The following ITGB3BP variants were observed in gnomAD, a reference collection of about 807,000 sequenced individuals.
ITGB3BP encodes the protein centromere protein R.
Under a neutral mutation model 29.1 loss-of-function variants are expected in ITGB3BP, and 27 were observed. The ratio of observed to expected loss-of-function variants is 0.93; its 90% confidence interval spans 0.68 to 1.28. The LOEUF (loss-of-function observed/expected upper bound fraction) is 1.28. Among genes scored for constraint, ITGB3BP ranks in the 50% most tolerant of loss-of-function variants. ITGB3BP has a pLI of 0.00. For synonymous variants in ITGB3BP, 61 were observed against 61.4 expected (o/e 0.99, Z 0.03); for missense variants, 192 against 200.2 (o/e 0.96, Z 0.25).
intron 2 of ITGB3BP, among the ~76,000 whole-genome samples, chr1:63,501,131 T>C (rs896125074): frequency 6.6e-6 from 1 of 152,170 alleles, no homozygotes; most frequent in African/African-American, 2.4e-5. Context: ...TTTCAGTAAC[T>C]GGTTATACAC....
intron 4 of ITGB3BP, among the ~76,000 whole-genome samples, chr1:63,468,862 AAAATAAATAAATAAAT>A (rs71045901): frequency 1.1e-4 from 16 of 139,302 alleles, no homozygotes; most frequent in Admixed American, 2.9e-4. Context: ...ACTCTGTCTC[AAAATAAATAAATAAAT>A]AAATAAATAA....
chr1:63,460,546 T>C (rs946535085), intron 4 of ITGB3BP, among the ~76,000 whole-genome samples: 1 of 152,240 alleles, frequency 6.6e-6, no homozygotes, highest in African/African-American at 2.4e-5. Context: ...ATTCATTTGC[T>C]GATGAACATT....
At chr1:63,486,207 A>G (rs1645526575) in intron 3 of ITGB3BP, among the ~76,000 whole-genome samples, 1 of 152,062 alleles carries the variant, frequency 6.6e-6, no homozygotes, top group African/African-American at 2.4e-5. Flanking sequence ...TCGACTATGC[A>G]AATTTGTTGT....
intron 4 of ITGB3BP, among the ~76,000 whole-genome samples, chr1:63,463,012 G>T (rs1404053639): frequency 6.6e-6 from 1 of 152,096 alleles, no homozygotes; most frequent in Non-Finnish European, 1.5e-5. Context: ...CCAGCACTTT[G>T]GAAGGCTGAG....
At chr1:63,452,716 A>ATGTT (rs1644879361) in intron 7 of ITGB3BP, among the ~76,000 whole-genome samples, 1 of 151,672 alleles carries the variant, frequency 6.6e-6, no homozygotes, top group Non-Finnish European at 1.5e-5. Flanking sequence ...ATCACAGTAG[A>ATGTT]CGTTAGTTGT....
intron 3 of ITGB3BP, among the ~76,000 whole-genome samples, chr1:63,485,400 G>C (rs931668984): frequency 6.6e-6 from 1 of 150,380 alleles, no homozygotes; most frequent in Non-Finnish European, 1.5e-5. Flanking sequence ...TTCCATGATA[G>C]TTTTTCACCC....
intron 4 of ITGB3BP, among the ~76,000 whole-genome samples, chr1:63,461,419 C>T (rs1016708278): frequency 2.0e-5 from 3 of 152,020 alleles, no homozygotes; most frequent in Non-Finnish European, 4.4e-5. Flanking sequence ...TGTGCTTTGC[C>T]TTTTCACTTT....
chr1:63,478,173 A>G (rs189782239), intron 4 of ITGB3BP, among the ~76,000 whole-genome samples: 1 of 152,154 alleles, frequency 6.6e-6, no homozygotes, highest in Non-Finnish European at 1.5e-5. Context: ...GCAACCATTC[A>G]TTTTTTTCTC....
intron 2 of ITGB3BP, among the ~76,000 whole-genome samples, chr1:63,501,518 A>G (rs1462798149): frequency 6.6e-6 from 1 of 152,030 alleles, no homozygotes; most frequent in Non-Finnish European, 1.5e-5. Flanking sequence ...GGTGAGAGAA[A>G]TGTTCTAGGA....
In ITGB3BP at chr1:63,497,676, T is replaced by C. The variant is rs557012275; in HGVS notation, c.49-7458A>G. ...CAAGAGAAGGACAAATGCAGCTCGA[T>C]GTTTACTGATAGAAACTAAAGCTTT... On this transcript the variant is annotated intron_variant, in intron 2 of 8. Transcript: ENST00000271002. Among the ~76,000 whole-genome samples the C allele has an allele frequency of 5.3e-5, 8 of 152,334 alleles. No homozygotes were observed. In the South Asian group the frequency reaches 1.7e-3, roughly 32 times the overall value.
chr1:63,476,181 T>C (rs951155576), intron 4 of ITGB3BP, among the ~76,000 whole-genome samples: 9 of 151,690 alleles, frequency 5.9e-5, no homozygotes, highest in African/African-American at 2.2e-4. Flanking sequence ...TTTTTTTTTT[T>C]GAGACAGAGT....
chr1:63,476,575 C>T (rs1043503453), intron 4 of ITGB3BP, among the ~76,000 whole-genome samples: 2 of 152,166 alleles, frequency 1.3e-5, no homozygotes, highest in Non-Finnish European at 2.9e-5. Context: ...AGCCCACTGC[C>T]ATGGGAGCTA....
intron 7 of ITGB3BP, chr1:63,447,691 G>A (rs888647382): frequency 1.1e-5 from 5 of 456,554 alleles, no homozygotes; most frequent in Non-Finnish European, 2.2e-5. Context: ...AGGTGCTGGA[G>A]AGGATGTGGA....
chr1:63,488,627 G>A (rs930194724), intron 3 of ITGB3BP, among the ~76,000 whole-genome samples: 5 of 151,878 alleles, frequency 3.3e-5, no homozygotes, highest in Non-Finnish European at 7.4e-5. Flanking sequence ...ATTAGGATAA[G>A]CAATGTAATG....
At chr1:63,474,880 A>C (rs1434027921) in intron 4 of ITGB3BP, among the ~76,000 whole-genome samples, 1 of 69,556 alleles carries the variant, frequency 1.4e-5, no homozygotes, top group Non-Finnish European at 3.0e-5. Flanking sequence ...AACACCCAAG[A>C]ATGATCAATA....
intron 2 of ITGB3BP, among the ~76,000 whole-genome samples, chr1:63,491,349 T>C (rs1356876526): frequency 6.6e-6 from 1 of 152,198 alleles, no homozygotes; most frequent in Non-Finnish European, 1.5e-5. Context: ...CAAAGAGGTT[T>C]TAAATTAGTA....
At chr1:63,514,585 A>G (rs1192367292) in intron 1 of ITGB3BP, among the ~76,000 whole-genome samples, 4 of 152,198 alleles carry the variant, frequency 2.6e-5, no homozygotes, top group Admixed American at 2.6e-4. Flanking sequence ...GTTCTTTCTT[A>G]TCCTAAATAT....
chr1:63,528,576 G>T (rs1026207265), intron 2 of ITGB3BP, among the ~76,000 whole-genome samples: 3 of 152,012 alleles, frequency 2.0e-5, no homozygotes, highest in African/African-American at 7.2e-5. Flanking sequence ...AGTATAATTG[G>T]ATTGTTTGAA....
At chr1:63,500,364 C>T (rs562715162) in intron 2 of ITGB3BP, among the ~76,000 whole-genome samples, 90 of 151,752 alleles carry the variant, frequency 5.9e-4, no homozygotes, top group African/African-American at 2.1e-3. Context: ...GGCAAAAGAG[C>T]AAGACTCTGT....
Sources: gnomAD v4.1 joint callset for allele counts (sites outside exome capture counted in the v4.1 genomes callset) on GRCh38, gnomAD v4.1.1 for gene constraint, MANE v1.5 for transcripts, NCBI Gene and HGNC (gene_info 2026-07-23, HGNC 2026-07-21) for gene names.